Variants in TASP1 observed in about 807,000 individuals in gnomAD.
TASP1 encodes threonine aspartase 1.
A neutral mutation model predicts 56.6 loss-of-function variants in TASP1; 16 were observed. The ratio of observed to expected loss-of-function variants is 0.28; its 90% confidence interval spans 0.19 to 0.43. The LOEUF (loss-of-function observed/expected upper bound fraction) is 0.43. TASP1 is among the 20% of genes least tolerant of loss of function. The probability of loss-of-function intolerance (pLI) is 1.00; values close to 1 mark genes in which losing one functional copy is unlikely to be tolerated. For missense variants in TASP1, 393 were observed against 511.6 expected (o/e 0.77, Z 2.24); for synonymous variants, 179 against 184.2 (o/e 0.97, Z 0.23).
chr20:13,223,086 C>A, the TASP1 span, among the ~76,000 whole-genome samples: 1 of 151,818 alleles, frequency 6.6e-6, no homozygotes, highest in South Asian at 2.1e-4. Flanking sequence ...TTGCTTGAAC[C>A]CGGGAGGTTG....
intron 6 of TASP1, among the ~76,000 whole-genome samples, chr20:13,575,327 T>C (rs1050120939): frequency 1.3e-5 from 2 of 152,186 alleles, no homozygotes; most frequent in Non-Finnish European, 2.9e-5. Context: ...CCAAATCTTA[T>C]ATTGAATTGT....
chr20:13,601,186 G>T (rs969158896), intron 4 of TASP1, among the ~76,000 whole-genome samples: 1 of 152,030 alleles, frequency 6.6e-6, no homozygotes, highest in Non-Finnish European at 1.5e-5. Flanking sequence ...GCTGAAGTGG[G>T]AGGATGGCTT....
intron 10 of TASP1, among the ~76,000 whole-genome samples, chr20:13,490,267 T>C (rs2043475864): frequency 6.6e-6 from 1 of 152,134 alleles, no homozygotes; most frequent in Admixed American, 6.6e-5. Context: ...AATACTTTAA[T>C]ACTTCATATT....
intron 2 of TASP1, among the ~76,000 whole-genome samples, chr20:13,626,511 A>G (rs541103079): frequency 1.7e-4 from 26 of 152,310 alleles, no homozygotes; most frequent in African/African-American, 6.0e-4. Flanking sequence ...TAGGATTCCT[A>G]CAGGTCTGCA....
chr20:13,439,520 T>G (rs2043141372), intron 11 of TASP1, among the ~76,000 whole-genome samples: 1 of 149,044 alleles, frequency 6.7e-6, no homozygotes, highest in Non-Finnish European at 1.5e-5. Flanking sequence ...GTCGGGGGAG[T>G]GGGGAGGGAT....
the TASP1 span, among the ~76,000 whole-genome samples, chr20:13,354,812 A>T: frequency 6.6e-6 from 1 of 152,200 alleles, no homozygotes. Flanking sequence ...TAGAGAAAAA[A>T]AAAACGGAAC....
intron 4 of TASP1, among the ~76,000 whole-genome samples, chr20:13,602,469 T>C (rs2047998712): frequency 6.6e-6 from 1 of 152,234 alleles, no homozygotes; most frequent in Admixed American, 6.5e-5. Flanking sequence ...TCATTCATTA[T>C]GACAAATGTA....
At chr20:13,586,229 A>C (rs1227316231) in intron 5 of TASP1, among the ~76,000 whole-genome samples, 2 of 152,072 alleles carry the variant, frequency 1.3e-5, no homozygotes, top group Admixed American at 6.6e-5. Context: ...AAGACATGTA[A>C]AATAATATTC....
chr20:13,217,699 C>A, the TASP1 span, among the ~76,000 whole-genome samples: 11 of 152,180 alleles, frequency 7.2e-5, no homozygotes, highest in East Asian at 1.9e-3. Flanking sequence ...AAACAAATAC[C>A]AGATTTGTTA....
At chr20:13,627,237 T>TA (rs1266570552) in intron 2 of TASP1, among the ~76,000 whole-genome samples, 3 of 151,800 alleles carry the variant, frequency 2.0e-5, no homozygotes, top group African/African-American at 7.3e-5. Context: ...ACTCTAGTGC[T>TA]AAAAAAACTG....
At chr20:13,293,266 A>G in the TASP1 span, among the ~76,000 whole-genome samples, 2 of 152,074 alleles carry the variant, frequency 1.3e-5, no homozygotes, top group Admixed American at 1.3e-4. Context: ...CTACTTGTCC[A>G]CTAGAAAATG....
At chr20:13,419,146 T>C (rs890920734) in intron 12 of TASP1, among the ~76,000 whole-genome samples, 15 of 152,218 alleles carry the variant, frequency 9.9e-5, no homozygotes, top group African/African-American at 3.6e-4. Flanking sequence ...TGTGATTATT[T>C]AGTAGAATGG....
At chr20:13,531,892 G>T (rs553709112) in intron 9 of TASP1, among the ~76,000 whole-genome samples, 1 of 152,292 alleles carries the variant, frequency 6.6e-6, no homozygotes, top group East Asian at 1.9e-4. Context: ...TTGAACTCCT[G>T]ACTTCAACTG....
chr20:13,127,741 T>C, the TASP1 span, among the ~76,000 whole-genome samples: 1 of 152,214 alleles, frequency 6.6e-6, no homozygotes. Context: ...ACAAGACTTT[T>C]TCTTTTTCAC....
chr20:13,164,367 G>T, the TASP1 span: 2 of 472,862 alleles, frequency 4.2e-6, no homozygotes, highest in Admixed American at 4.7e-5. Context: ...GTGATTTGCT[G>T]TGTCATGAAG....
the TASP1 span, among the ~76,000 whole-genome samples, chr20:13,338,143 A>G: frequency 6.6e-6 from 1 of 152,174 alleles, no homozygotes; most frequent in Admixed American, 6.5e-5. Flanking sequence ...TTATTTCTTG[A>G]TTATACATGA....
the TASP1 span, among the ~76,000 whole-genome samples, chr20:13,313,463 G>A: frequency 6.6e-6 from 1 of 152,156 alleles, no homozygotes; most frequent in South Asian, 2.1e-4. Context: ...GTAGTCAATT[G>A]GGCTGTTTCT....
chr20:13,593,603 C>T (rs1347625898), intron 4 of TASP1, among the ~76,000 whole-genome samples: 2 of 152,184 alleles, frequency 1.3e-5, no homozygotes, highest in Non-Finnish European at 2.9e-5. Context: ...TCACTACTAG[C>T]GCAGCAGTCT....
At chr20:13,342,605 G>T in the TASP1 span, among the ~76,000 whole-genome samples, 1 of 152,152 alleles carries the variant, frequency 6.6e-6, no homozygotes, top group Admixed American at 6.5e-5. Context: ...GACAGGGCAC[G>T]TTCACCTCAC....
Sources: gnomAD v4.1 joint callset for allele counts (sites outside exome capture counted in the v4.1 genomes callset) on GRCh38, gnomAD v4.1.1 for gene constraint, MANE v1.5 for transcripts, NCBI Gene and HGNC (gene_info 2026-07-23, HGNC 2026-07-21) for gene names.